Variants in MTRF1 observed in about 807,000 individuals in gnomAD.
MTRF1 encodes mitochondrial translation release factor 1, also known as peptide chain release factor 1, mitochondrial.
MTRF1 carries 51 observed loss-of-function variants against 62.9 expected under a neutral mutation model. The ratio of observed to expected loss-of-function variants is 0.81; its 90% confidence interval spans 0.65 to 1.02. The LOEUF is 1.02. MTRF1 is among the 50% of genes least tolerant of loss of function. The probability of loss-of-function intolerance (pLI) is 0.00; values close to 1 mark genes in which losing one functional copy is unlikely to be tolerated. For synonymous variants in MTRF1, 158 were observed against 181.9 expected (o/e 0.87, Z 1.06); for missense variants, 446 against 530.0 (o/e 0.84, Z 1.56).
intron 2 of MTRF1, chr13:41,257,627 A>G (rs1409723219): frequency 4.9e-6 from 1 of 204,782 alleles, no homozygotes; most frequent in South Asian, 6.5e-5. Flanking sequence ...GTGAGACCTC[A>G]TCTTTACTAA....
At chr13:41,269,985 A>C in the MTRF1 span, among the ~76,000 whole-genome samples, 2 of 152,248 alleles carry the variant, frequency 1.3e-5, no homozygotes, top group Admixed American at 6.5e-5. Context: ...TGTGGACTAG[A>C]CTGCCTAAAG....
the MTRF1 span, among the ~76,000 whole-genome samples, chr13:41,304,079 C>T: frequency 7.9e-5 from 12 of 152,228 alleles, no homozygotes; most frequent in African/African-American, 2.4e-4. Context: ...ATTCTTTCTT[C>T]GGTGAGATCC....
chr13:41,302,672 G>A, the MTRF1 span, among the ~76,000 whole-genome samples: 2 of 151,934 alleles, frequency 1.3e-5, no homozygotes, highest in African/African-American at 2.4e-5. Context: ...TGAGACCACA[G>A]GTGTGCACCA....
intron 1 of MTRF1, chr13:41,261,792 A>G (rs1391622465): frequency 1.0e-6 from 1 of 985,196 alleles, no homozygotes; most frequent in African/African-American, 1.7e-5. Flanking sequence ...TTGTGCAATC[A>G]CTTTTCAAAA....
the MTRF1 span, among the ~76,000 whole-genome samples, chr13:41,290,957 G>C: frequency 6.6e-6 from 1 of 151,078 alleles, no homozygotes; most frequent in African/African-American, 2.4e-5. Context: ...TTAGCCAGGC[G>C]TGATGGTGCA....
chr13:41,297,300 A>G, the MTRF1 span, among the ~76,000 whole-genome samples: 1 of 152,226 alleles, frequency 6.6e-6, no homozygotes, highest in Non-Finnish European at 1.5e-5. Context: ...AATGCCAATC[A>G]GCCCACTCTG....
At chr13:41,231,472 A>G (rs900977415) in intron 7 of MTRF1, among the ~76,000 whole-genome samples, 10 of 152,358 alleles carry the variant, frequency 6.6e-5, no homozygotes, top group African/African-American at 2.4e-4. Context: ...CGGGAAGACA[A>G]GAGGATTAAG....
the MTRF1 span, among the ~76,000 whole-genome samples, chr13:41,302,494 G>A: frequency 6.6e-6 from 1 of 151,862 alleles, no homozygotes; most frequent in Non-Finnish European, 1.5e-5. Flanking sequence ...CCAATACAGG[G>A]AAGAAAAGGG....
the MTRF1 span, among the ~76,000 whole-genome samples, chr13:41,294,481 A>T: frequency 1.4e-3 from 209 of 152,144 alleles, no homozygotes; most frequent in African/African-American, 4.0e-3. Flanking sequence ...TATGAAAAAA[A>T]TTTTTTGTCT....
At chr13:41,298,342 C>T in the MTRF1 span, among the ~76,000 whole-genome samples, 8 of 724 alleles carry the variant, frequency 0.011, no homozygotes, top group Non-Finnish European at 0.012. Context: ...TATCCATTTA[C>T]GAAGTTTTAG....
intron 7 of MTRF1, 22 bp downstream of exon 7, chr13:41,233,868 C>T: frequency 6.4e-7 from 1 of 1,572,540 alleles, no homozygotes; most frequent in Non-Finnish European, 8.8e-7. Context: ...GTTAAAAGTA[C>T]AAAGCCAAGG....
the MTRF1 span, among the ~76,000 whole-genome samples, chr13:41,289,054 T>A: frequency 6.6e-6 from 1 of 152,092 alleles, no homozygotes; most frequent in African/African-American, 2.4e-5. Flanking sequence ...GACCATTCTA[T>A]GGTCATTTGG....
chr13:41,295,789 G>A, the MTRF1 span, among the ~76,000 whole-genome samples: 1 of 151,968 alleles, frequency 6.6e-6, no homozygotes, highest in Non-Finnish European at 1.5e-5. Flanking sequence ...TTTCATTTTT[G>A]TTTTTGTTTT....
chr13:41,297,925 T>G, the MTRF1 span, among the ~76,000 whole-genome samples: 2 of 152,192 alleles, frequency 1.3e-5, no homozygotes, highest in African/African-American at 4.8e-5. Context: ...ATTTCCTCTA[T>G]GACAATATAA....
chr13:41,303,532 T>C, the MTRF1 span, among the ~76,000 whole-genome samples: 1 of 152,300 alleles, frequency 6.6e-6, no homozygotes, highest in East Asian at 1.9e-4. Flanking sequence ...GAAGACTTGA[T>C]TGAGGACCCA....
the MTRF1 span, among the ~76,000 whole-genome samples, chr13:41,310,041 C>T: frequency 1.3e-5 from 2 of 152,130 alleles, no homozygotes; most frequent in Admixed American, 1.3e-4. Context: ...TGATTACAGC[C>T]GACTAAATGC....
chr13:41,276,848 T>G, the MTRF1 span, among the ~76,000 whole-genome samples: 1 of 152,126 alleles, frequency 6.6e-6, no homozygotes, highest in East Asian at 1.9e-4. Flanking sequence ...TTGTAGAACC[T>G]ATTGTCCTTT....
chr13:41,272,291 C>T, the MTRF1 span, among the ~76,000 whole-genome samples: 712 of 152,060 alleles, frequency 4.7e-3, 5 homozygotes, highest in African/African-American at 0.015. Flanking sequence ...TTTTTGGTAC[C>T]GCAGATGGCA....
intron 5 of MTRF1, among the ~76,000 whole-genome samples, chr13:41,244,003 T>C (rs1274242881): frequency 1.3e-5 from 2 of 152,180 alleles, no homozygotes; most frequent in African/African-American, 2.4e-5. Flanking sequence ...CCCTTAGCCC[T>C]CAATTAGTCC....
Sources: allele counts gnomAD v4.1 joint callset (sites outside exome capture counted in the v4.1 genomes callset), GRCh38; gene constraint gnomAD v4.1.1; transcripts MANE v1.5; gene names NCBI Gene and HGNC (gene_info 2026-07-23, HGNC 2026-07-21).